Variants in DRAXIN observed in about 807,000 individuals in gnomAD.
The protein encoded by DRAXIN is dorsal inhibitory axon guidance protein.
A neutral mutation model predicts 33.9 loss-of-function variants in DRAXIN; 27 were observed. The ratio of observed to expected loss-of-function variants is 0.80; its 90% CI spans 0.59 to 1.10. The LOEUF (loss-of-function observed/expected upper bound fraction) is 1.10, where lower values mean the gene tolerates loss of function less well. Ranked by LOEUF, DRAXIN falls within the 50% of genes least tolerant of loss-of-function variation. DRAXIN has a pLI of 0.00. For synonymous variants in DRAXIN, 178 were observed against 194.0 expected, an observed-to-expected ratio of 0.92 and a Z score of 0.69; for missense variants, 371 against 460.8, an observed-to-expected ratio of 0.81 and a Z score of 1.78.
At chr1:11,717,498 C>T (rs926178382) in intron 6 of DRAXIN, among the ~76,000 whole-genome samples, 1 of 151,134 alleles carries the variant, frequency 6.6e-6, no homozygotes. Context: ...CCCATCTCTA[C>T]TAAAAATACA....
chr1:11,696,606 A>G lies in DRAXIN; in HGVS notation c.-11+4753A>G, dbSNP rs1014100848. On this transcript the variant is annotated intron_variant, in intron 1 of 6. Coordinates refer to ENST00000294485, the MANE Select transcript of DRAXIN (RefSeq NM_198545.4). The surrounding 1 kb of genome is among the most constrained non-coding windows in gnomAD (Gnocchi z 4.7). ...TGTCTCAAAAAAACCAAAACAAAAA[A>G]CACTTTGGGAGGCCAAAGCGAGCAG... Among the ~76,000 whole-genome samples, 1 of 150,988 alleles carries G rather than the reference A, an allele frequency of 6.6e-6. No individual in the cohort carries two copies. Among genetic ancestry groups the G allele is most frequent in the Non-Finnish European group, 1.5e-5 (1 of 67,760 alleles).
In DRAXIN at chr1:11,709,377, C is replaced by T. The variant is rs778134958; in HGVS notation, c.554C>T (p.Ala185Val). The change falls in exon 3 of 7, where the codon GCG becomes GTG. Residue 185 changes from alanine (A) to valine (V), a missense_variant. Transcript: ENST00000294485. ...AAMEESSTSLAPTMFFLTTFE... is the reference protein window; with the variant it reads ...AAMEESSTSLVPTMFFLTTFE... ...ATGGAGGAATCCTCCACCAGCCTGG[C>T]GCCCACCATGTTCTTTCTCACCACC... 8 of 1,613,868 alleles carry T rather than the reference C, an allele frequency of 5.0e-6. No individual in the cohort carries two copies. The highest frequency in any genetic ancestry group is 1.6e-4 in the Middle Eastern group (1 of 6,084).
chr1:11,721,116 GATGCAAGC>G lies in DRAXIN; in HGVS notation c.*1424_*1431del, dbSNP rs1189132955. Reference sequence around the variant, plus strand: ...GGAGCACTTCCCCCCCAGGGGTTCTGATGCAAGCATGGAATCCAAAAAAACCCCACACA... The same window carrying G: ...GGAGCACTTCCCCCCCAGGGGTTCTGATGGAATCCAAAAAAACCCCACACA... On this transcript the variant is annotated 3_prime_UTR_variant, in exon 7 of 7. Transcript: ENST00000294485. The G allele has an allele frequency of 2.0e-5, 3 of 152,168 alleles. No homozygotes were observed. The highest frequency in any genetic ancestry group is 1.9e-4 in the East Asian group (1 of 5,196). 9.4% of individuals were successfully genotyped at this position (152,168 alleles called of 1,614,324 possible).
rs1270972011 is a variant in DRAXIN, at chr1:11,694,907, G to T, written c.-11+3054G>T. On this transcript the variant is annotated intron_variant, in intron 1 of 6. Transcript: ENST00000294485. This position sits in a 1 kb window ranked among gnomAD's most constrained non-coding sequence, Gnocchi z 4.9. Reference sequence around the variant, plus strand: ...TGACCCACCCATGCCCCAACACCAAGACTTCTCTTGATGGGATGGGGTTGA... The same window carrying T: ...TGACCCACCCATGCCCCAACACCAATACTTCTCTTGATGGGATGGGGTTGA... Among the ~76,000 whole-genome samples the T allele has an allele frequency of 6.6e-6, 1 of 152,172 alleles. No individual in the cohort carries two copies. Among genetic ancestry groups the T allele is most frequent in the Non-Finnish European group, 1.5e-5 (1 of 68,038 alleles).
Position 11,694,036 on chromosome 1 carries a change from CCT to C in DRAXIN, c.-11+2186_-11+2187del, listed in dbSNP as rs1641151514. 1.3e-5 allele frequency among the ~76,000 whole-genome samples: 2 copies of C among 152,130 alleles called. No homozygotes were observed. The highest frequency in any genetic ancestry group is 4.8e-5 in the African/African-American group (2 of 41,434). ...GCCCTGCCCTGTGTTTGATCTCAGC[CCT>C]CTGTCTTTGCTGACCAAGGAGGTCT... On this transcript the variant is annotated intron_variant, in intron 1 of 6. Transcript: ENST00000294485. This position sits in a 1 kb window ranked among gnomAD's most constrained non-coding sequence, Gnocchi z 4.9.
intron 1 of DRAXIN, among the ~76,000 whole-genome samples, chr1:11,702,547 CAT>C (rs989927341): frequency 1.3e-5 from 2 of 151,678 alleles, no homozygotes; most frequent in African/African-American, 4.9e-5. Context: ...CACACACACA[CAT>C]GCTAACACTC....
chr1:11,714,558 T>G (rs1050559200), intron 5 of DRAXIN, among the ~76,000 whole-genome samples: 12 of 152,200 alleles, frequency 7.9e-5, no homozygotes, highest in Non-Finnish European at 1.5e-4. Flanking sequence ...GACCAGAATA[T>G]TCTACAAAAC....
At chr1:11,715,611 A>C (rs1641564314) in intron 6 of DRAXIN, among the ~76,000 whole-genome samples, 1 of 134,360 alleles carries the variant, frequency 7.4e-6, no homozygotes, top group Non-Finnish European at 1.6e-5. Flanking sequence ...GAGGCATTGA[A>C]GTGTGATAAT....
chr1:11,709,667 G>A (rs574733110), intron 3 of DRAXIN, among the ~76,000 whole-genome samples: 1 of 152,196 alleles, frequency 6.6e-6, no homozygotes, highest in African/African-American at 2.4e-5. Context: ...GTCTGCCACT[G>A]TCCAGGGCAA....
chr1:11,687,140 A>T (rs1353349334), upstream of DRAXIN, among the ~76,000 whole-genome samples: 1 of 152,148 alleles, frequency 6.6e-6, no homozygotes, highest in Non-Finnish European at 1.5e-5. The surrounding 1 kb of genome is among the most constrained non-coding windows in gnomAD (Gnocchi z 4.1). Context: ...ATCACAGCTC[A>T]CTGAAGCCTC....
In DRAXIN at chr1:11,719,860, G is replaced by T; in HGVS notation, c.*164G>T. ...GGGGAGCCGCTCGGCGAATGAGCTG[G>T]GTGGGTGCCCAGGAGCCGGCCCGCA... On this transcript the variant is annotated 3_prime_UTR_variant, in exon 7 of 7. Transcript: ENST00000294485. The T allele has an allele frequency of 3.0e-6, 2 of 666,906 alleles. No individual in the cohort carries two copies. The highest frequency in any genetic ancestry group is 3.6e-5 in the South Asian group (2 of 56,020). 41.3% of individuals were successfully genotyped at this position (666,906 alleles called of 1,614,324 possible). A position where few individuals can be genotyped will look rare whatever the true frequency, so the allele number is the denominator to read the frequency against.
chr1:11,710,921 C>CAAAA lies in DRAXIN; in HGVS notation c.643-919_643-916dup, dbSNP rs57916288. Among the ~76,000 whole-genome samples, 12 of 90,130 alleles carry CAAAA rather than the reference C, an allele frequency of 1.3e-4. 2 individuals are homozygous for CAAAA. The highest frequency in any genetic ancestry group is 7.4e-4 in the East Asian group (2 of 2,706). The allele number at this position is 90,130 out of a possible 152,430, so 59.1% of individuals were successfully genotyped here. On this transcript the variant is annotated intron_variant, in intron 3 of 6. Coordinates refer to ENST00000294485, the MANE Select transcript of DRAXIN (RefSeq NM_198545.4). ...TGGGCGACAGAGTGAGACTCCATCT[C>CAAAA]AAAAAAAAAAAAAAGGTTTTCAAAC...
chr1:11,715,338 CGGG>C, intron 6 of DRAXIN, 130 bp downstream of exon 6: 1 of 1,125,568 alleles, frequency 8.9e-7, no homozygotes, highest in Non-Finnish European at 1.3e-6. Flanking sequence ...GGGCCTGCGG[CGGG>C]GGTGTAGGTG....
chr1:11,719,196 G>A (rs1417160613), intron 6 of DRAXIN, among the ~76,000 whole-genome samples: 2 of 152,188 alleles, frequency 1.3e-5, no homozygotes, highest in Non-Finnish European at 2.9e-5. Flanking sequence ...GAGCCACCGT[G>A]CCCGGCCTCT....
rs1346543022 is a variant in DRAXIN at position 11,725,033 on chromosome 1, C to T, written c.*5337C>T. ...TCCATGGCTGGGTCACTTCTGGGTG[C>T]AAGAGGCTTTCTAGACCTTAGACAC... On this transcript the variant is annotated 3_prime_UTR_variant, in exon 7 of 7. Coordinates refer to ENST00000294485, the MANE Select transcript of DRAXIN (RefSeq NM_198545.4). 1 of 152,218 alleles carries T rather than the reference C, an allele frequency of 6.6e-6. No homozygotes were observed. The highest frequency in any genetic ancestry group is 6.5e-5 in the Admixed American group (1 of 15,274). 9.4% of individuals were successfully genotyped at this position (152,218 alleles called of 1,614,324 possible). A position where few individuals can be genotyped will look rare whatever the true frequency, so the allele number is the denominator to read the frequency against.
intron 1 of DRAXIN, among the ~76,000 whole-genome samples, chr1:11,703,703 G>A (rs750880663): frequency 2.0e-5 from 3 of 152,190 alleles, no homozygotes; most frequent in African/African-American, 4.8e-5. Context: ...CTCTGGCACT[G>A]TGCACTGAAA....
chr1:11,701,180 G>A (rs1641268234), intron 1 of DRAXIN, among the ~76,000 whole-genome samples: 1 of 152,192 alleles, frequency 6.6e-6, no homozygotes, highest in African/African-American at 2.4e-5. Context: ...TGCACTCAAG[G>A]AGGAAGATGC....
intron 6 of DRAXIN, 151 bp downstream of exon 6, chr1:11,715,359 C>A: frequency 1.1e-6 from 1 of 877,848 alleles, no homozygotes; most frequent in Non-Finnish European, 1.8e-6. Flanking sequence ...GTGGGAGAAT[C>A]CCTCGGGAGC....
intron 1 of DRAXIN, among the ~76,000 whole-genome samples, chr1:11,693,016 T>A (rs1190328028): frequency 2.0e-5 from 3 of 151,732 alleles, no homozygotes; most frequent in Non-Finnish European, 4.4e-5. Context: ...CAGAAATGGA[T>A]CTCAAAGTCA....
Sources: gnomAD v4.1 joint callset for allele counts (sites outside exome capture counted in the v4.1 genomes callset) on GRCh38, gnomAD v4.1.1 for gene constraint, Gnocchi (gnomAD v3.1) non-coding constraint, MANE v1.5 for transcripts, NCBI Gene and HGNC (gene_info 2026-07-23, HGNC 2026-07-21) for gene names.